Variants in FUT8 observed in about 807,000 individuals in gnomAD.
FUT8 encodes fucosyltransferase 8, also known as alpha-(1,6)-fucosyltransferase.
Under a neutral mutation model 71.3 loss-of-function variants are expected in FUT8, and 29 were observed. That is an observed-to-expected ratio of 0.41 (90% CI 0.30 to 0.55). The LOEUF is 0.55. FUT8 is among the 20% of genes least tolerant of loss of function. The pLI, the probability that FUT8 is intolerant of heterozygous loss-of-function variation, is 0.34. For synonymous variants in FUT8, 254 were observed against 239.3 expected, an observed-to-expected ratio of 1.06 and a Z score of -0.57; for missense variants, 544 against 702.1, an observed-to-expected ratio of 0.77 and a Z score of 2.55.
intron 7 of FUT8, among the ~76,000 whole-genome samples, chr14:65,691,863 A>T (rs1379250335): frequency 1.3e-5 from 2 of 152,126 alleles, no homozygotes; most frequent in Non-Finnish European, 2.9e-5. Flanking sequence ...ACCGCCCTTA[A>T]TCCATTTAAC....
chr14:65,724,387 C>G, intron 9 of FUT8, 64 bp downstream of exon 9: 2 of 964,648 alleles, frequency 2.1e-6, no homozygotes, highest in Non-Finnish European at 3.1e-6. Context: ...AGAATTCTTA[C>G]TTCCCATGAC....
At chr14:65,644,266 T>C (rs536498851) in intron 6 of FUT8, among the ~76,000 whole-genome samples, 1 of 152,122 alleles carries the variant, frequency 6.6e-6, no homozygotes, top group Non-Finnish European at 1.5e-5. Flanking sequence ...ATGTTTACAA[T>C]TGGCTGTCAT....
chr14:65,624,917 T>G (rs1889815178), intron 5 of FUT8, among the ~76,000 whole-genome samples: 1 of 151,954 alleles, frequency 6.6e-6, no homozygotes, highest in African/African-American at 2.4e-5. Context: ...ACAGAAAAAA[T>G]TAGCCGGGTG....
chr14:65,473,142 G>C (rs2066175302), intron 2 of FUT8, among the ~76,000 whole-genome samples: 1 of 151,850 alleles, frequency 6.6e-6, no homozygotes, highest in Admixed American at 6.6e-5. Context: ...TTTCAAATTT[G>C]TGCCTTATTT....
At chr14:65,623,846 C>G (rs573814802) in intron 5 of FUT8, among the ~76,000 whole-genome samples, 9 of 152,270 alleles carry the variant, frequency 5.9e-5, no homozygotes, top group African/African-American at 2.2e-4. Context: ...AAACCTTGAC[C>G]TGGTCTCATA....
intron 3 of FUT8, among the ~76,000 whole-genome samples, chr14:65,606,449 A>G (rs984753488): frequency 6.6e-6 from 1 of 151,844 alleles, no homozygotes; most frequent in East Asian, 1.9e-4. Context: ...TTAAAAAAAA[A>G]TCTTATTTAA....
intron 2 of FUT8, among the ~76,000 whole-genome samples, chr14:65,470,306 G>A (rs2066121191): frequency 6.6e-6 from 1 of 152,206 alleles, no homozygotes; most frequent in East Asian, 1.9e-4. Context: ...GGAGGCCTGG[G>A]TCCACAACCC....
chr14:65,578,385 A>G (rs898450582), intron 3 of FUT8, among the ~76,000 whole-genome samples: 1 of 152,204 alleles, frequency 6.6e-6, no homozygotes, highest in African/African-American at 2.4e-5. Flanking sequence ...CGTTTCTTTC[A>G]GGCAAATTTG....
intron 3 of FUT8, among the ~76,000 whole-genome samples, chr14:65,580,459 A>G (rs1566833284): frequency 6.6e-6 from 1 of 151,918 alleles, no homozygotes; most frequent in Non-Finnish European, 1.5e-5. Context: ...TAATACATAT[A>G]TATGTATTTT....
rs764056891 is a variant in FUT8 at position 65,638,526 on chromosome 14, T to A, written c.597+8920T>A. Among the ~76,000 whole-genome samples, 2 of 152,166 alleles carry A rather than the reference T, an allele frequency of 1.3e-5. No individual in the cohort carries two copies. Among genetic ancestry groups the A allele is most frequent in the Non-Finnish European group, 2.9e-5 (2 of 68,020 alleles). On this transcript the variant is annotated intron_variant, in intron 6 of 10. Coordinates refer to ENST00000673929, the MANE Select transcript of FUT8 (RefSeq NM_001371533.1). The surrounding 1 kb of genome is among the most constrained non-coding windows in gnomAD (Gnocchi z 4.5). ...AATGAGGATAGGGATTTTTTTTCAT[T>A]CAAAAATAAGTTTTATTGGAGAAAT...
chr14:65,671,024 G>A (rs1892450673), intron 7 of FUT8, among the ~76,000 whole-genome samples: 1 of 152,156 alleles, frequency 6.6e-6, no homozygotes, highest in Non-Finnish European at 1.5e-5. Flanking sequence ...CAACAGATTA[G>A]TTATAAAGGT....
rs991301166 is a variant in FUT8, at chr14:65,725,978, A to G, written c.1259+1655A>G. Among the ~76,000 whole-genome samples, 4 of 152,352 alleles carry G rather than the reference A, an allele frequency of 2.6e-5. No homozygotes were observed. The South Asian group carries it at 6.2e-4, about 24-fold the overall frequency. On this transcript the variant is annotated intron_variant, in intron 9 of 10. Transcript: ENST00000673929. ...TTATTCAAGGCTCCCTCTCTTGAGC[A>G]TATGCACACACTACCATATACATGC...
chr14:65,494,381 C>G (rs1359533628), intron 2 of FUT8, among the ~76,000 whole-genome samples: 1 of 152,056 alleles, frequency 6.6e-6, no homozygotes, highest in Non-Finnish European at 1.5e-5. Flanking sequence ...TACTGAATAC[C>G]TTACCAGACA....
At chr14:65,686,347 A>C (rs1281029498) in intron 7 of FUT8, among the ~76,000 whole-genome samples, 2 of 152,164 alleles carry the variant, frequency 1.3e-5, no homozygotes, top group East Asian at 3.9e-4. Context: ...TACAATACCA[A>C]ATCTAGCCTG....
At chr14:65,636,406 G>GT (rs1373168826) in intron 6 of FUT8, 1 of 151,214 alleles carries the variant, frequency 6.6e-6, no homozygotes, top group Non-Finnish European at 1.5e-5. Context: ...GTTTGTTCTT[G>GT]TTTCTCTAGT....
chr14:65,501,706 T>C (rs2066647654), intron 2 of FUT8, among the ~76,000 whole-genome samples: 1 of 152,138 alleles, frequency 6.6e-6, no homozygotes, highest in Non-Finnish European at 1.5e-5. Flanking sequence ...GAATAACCAG[T>C]ATATATAGCC....
At position 65,724,177 on chromosome 14, in the gene FUT8, A is replaced by G; in HGVS notation, c.1113A>G (p.Gly371=). 6.2e-7 allele frequency: 1 copy of G among 1,605,148 alleles called. No individual in the cohort carries two copies. The highest frequency in any genetic ancestry group is 8.5e-7 in the Non-Finnish European group (1 of 1,177,498). Residue 371 remains glycine (G), a synonymous_variant, in exon 9 of 11, where the codon GGA becomes GGG. Coordinates refer to ENST00000673929, the MANE Select transcript of FUT8 (RefSeq NM_001371533.1). ...ATGTCAGACGCACAGACAAAGTGGGAACAGAAGCTGCCTTCCATCCCATTG... is the reference window on the plus strand; with the variant it reads ...ATGTCAGACGCACAGACAAAGTGGGGACAGAAGCTGCCTTCCATCCCATTG... ...GVHVRRTDKV[G]TEAAFHPIEE...
intron 7 of FUT8, among the ~76,000 whole-genome samples, chr14:65,703,525 C>T (rs77098995): frequency 1.1e-4 from 16 of 152,196 alleles, no homozygotes; most frequent in Non-Finnish European, 2.2e-4. Flanking sequence ...AGATTTTACA[C>T]AGCGCAAAAG....
intron 9 of FUT8, among the ~76,000 whole-genome samples, chr14:65,724,927 A>G (rs1014916788): frequency 2.0e-5 from 3 of 152,096 alleles, no homozygotes; most frequent in Non-Finnish European, 4.4e-5. Flanking sequence ...CAGTGGTCCT[A>G]TTTCCAAACA....
Sources: gnomAD v4.1 joint callset for allele counts (sites outside exome capture counted in the v4.1 genomes callset) on GRCh38, gnomAD v4.1.1 for gene constraint, Gnocchi (gnomAD v3.1) non-coding constraint, MANE v1.5 for transcripts, NCBI Gene and HGNC (gene_info 2026-07-23, HGNC 2026-07-21) for gene names.